ADAT3: variants seen among roughly 807,000 people sequenced by gnomAD.
The protein encoded by ADAT3 is adenosine deaminase tRNA specific 3, also known as tRNA-specific adenosine-34 deaminase regulatory subunit ADAT3.
ADAT3 carries 2 observed loss-of-function variants against 3.5 expected under a neutral mutation model. That is an observed-to-expected ratio of 0.57 (90% CI 0.23 to 1.79). The LOEUF (loss-of-function observed/expected upper bound fraction) is 1.79, where lower values mean the gene tolerates loss of function less well. Among genes scored for constraint, ADAT3 ranks in the 40% most tolerant of loss-of-function variants. The pLI is 0.18. For synonymous variants in ADAT3, 358 were observed against 270.3 expected, an observed-to-expected ratio of 1.32 and a Z score of -3.18; for missense variants, 735 against 571.4, an observed-to-expected ratio of 1.29 and a Z score of -2.92.
At chr19:1,907,030 A>G (rs1242329918) in intron 1 of ADAT3, 1 of 151,720 alleles carries the variant, frequency 6.6e-6, no homozygotes, top group African/African-American at 2.4e-5. Flanking sequence ...TACTAAAAAT[A>G]TAAAAAATTA....
rs1207661163 is a variant in ADAT3 at position 1,908,982 on chromosome 19, G to C, written c.-158-2908G>C. 6.6e-6 allele frequency among the ~76,000 whole-genome samples: 1 copy of C among 152,096 alleles called. No individual in the cohort carries two copies. Among genetic ancestry groups the C allele is most frequent in the African/African-American group, 2.4e-5 (1 of 41,394 alleles). On this transcript the variant is annotated intron_variant, in intron 1 of 1. Transcript: ENST00000329478. This position sits in a 1 kb window ranked among gnomAD's most constrained non-coding sequence, Gnocchi z 4.2. ...TAGCCGGGCGTGGTGGCATGTGCCT[G>C]TATTCCCAGCTACTAGGGGGGCTGA...
At position 1,912,001 on chromosome 19, in the gene ADAT3, C is replaced by T; in HGVS notation, c.-47C>T. 1 of 1,416,110 alleles carries T rather than the reference C, an allele frequency of 7.1e-7. No homozygotes were observed. Among genetic ancestry groups the T allele is most frequent in the Non-Finnish European group, 9.2e-7 (1 of 1,092,110 alleles). The allele number at this position is 1,416,110 out of a possible 1,614,324, so 87.7% of individuals were successfully genotyped here. ...GCCCTGCCTTGTGGAGCCACGGCCT[C>T]CCGGGACGGACTCCCCGGCTCTCCC... On this transcript the variant is annotated 5_prime_UTR_variant, in exon 2 of 2. Transcript: ENST00000329478.
chr19:1,913,054 G>C lies in ADAT3; in HGVS notation c.1007G>C (p.Arg336Pro), dbSNP rs772168050. The change falls in exon 2 of 2, where the codon CGC becomes CCC. Residue 336 changes from arginine to proline, a missense_variant. Arg to Pro is a moderately radical substitution (Grantham distance 103). Transcript: ENST00000329478. Reference protein sequence around the residue: ...APSPDGALGTRFRIHARPDLN... With the variant: ...APSPDGALGTPFRIHARPDLN... ...TCGCCCGACGGCGCCCTGGGCACCC[G>C]CTTCCGCATCCACGCACGGCCCGAC... 6 of 1,603,250 alleles carry C rather than the reference G, an allele frequency of 3.7e-6. No individual in the cohort carries two copies. The highest frequency in any genetic ancestry group is 5.1e-6 in the Non-Finnish European group (6 of 1,179,022).
chr19:1,911,799 T>C, intron 1 of ADAT3, 91 bp from the exon 2 acceptor site: 1 of 396,960 alleles, frequency 2.5e-6, no homozygotes, highest in South Asian at 1.0e-4. Flanking sequence ...AAAAATAAAA[T>C]AAAAAAAAAA....
At position 1,908,641 on chromosome 19, in the gene ADAT3, A is replaced by C. The variant is rs906802143; in HGVS notation, c.-159+3202A>C. ...AAATAACTGTGAGCACACAGGTAGT[A>C]AGGTTTTTAGGATTTTATTATTATT... On this transcript the variant is annotated intron_variant, in intron 1 of 1. Coordinates refer to ENST00000329478, the MANE Select transcript of ADAT3 (RefSeq NM_138422.4). This position sits in a 1 kb window ranked among gnomAD's most constrained non-coding sequence, Gnocchi z 4.2. 3 of 461,100 alleles carry C rather than the reference A, an allele frequency of 6.5e-6. No individual in the cohort carries two copies. The highest frequency in any genetic ancestry group is 6.1e-5 in the African/African-American group (3 of 49,566). 28.6% of individuals were successfully genotyped at this position (461,100 alleles called of 1,614,324 possible). A position where few individuals can be genotyped will look rare whatever the true frequency, so the allele number is the denominator to read the frequency against.
At position 1,913,146 on chromosome 19, in the gene ADAT3, A is replaced by G. The variant is rs769886333; in HGVS notation, c.1099A>G (p.Thr367Ala). 7.8e-6 allele frequency: 12 copies of G among 1,546,490 alleles called. No individual in the cohort carries two copies. The highest frequency in any genetic ancestry group is 4.1e-5 in the African/African-American group (3 of 73,212). The change falls in exon 2 of 2, where the codon ACG becomes GCG. Residue 367 changes from threonine (T) to alanine (A), a missense_variant. Transcript: ENST00000329478. ...GCAGTGCCGCTGGCTGGACCCCGAC[A>G]CGTAGGCGCCGCCCTCCTGCCTCCG... Reference protein sequence around the residue: ...EEQCRWLDPDT With the variant: ...EEQCRWLDPDA
At chr19:1,907,943 G>A (rs1019845060) in intron 1 of ADAT3, 2 of 153,838 alleles carry the variant, frequency 1.3e-5, no homozygotes, top group Non-Finnish European at 2.9e-5. Flanking sequence ...TGCCTGTTCC[G>A]GGATTTTGAC....
rs2013533664 is a variant in ADAT3, at chr19:1,912,667, G to A, written c.620G>A (p.Gly207Asp). 1.4e-6 allele frequency: 2 copies of A among 1,438,124 alleles called. No individual in the cohort carries two copies. Among genetic ancestry groups the A allele is most frequent in the African/African-American group, 1.5e-5 (1 of 66,292 alleles). The allele number at this position is 1,438,124 out of a possible 1,614,324, so 89.1% of individuals were successfully genotyped here. The change falls in exon 2 of 2, where the codon GGC (glycine) becomes GAC (aspartate). Residue 207 changes from glycine (G) to aspartate (D), a missense_variant. By Grantham distance (94) the Gly-to-Asp change is moderately conservative. Coordinates refer to ENST00000329478, the MANE Select transcript of ADAT3 (RefSeq NM_138422.4). ...VWAARRAAAR[G>D]LRAVGAVVVD... ...GCGGCCCGGCGGGCAGCAGCGCGGG[G>A]CTTGCGGGCCGTGGGGGCCGTGGTA...
At chr19:1,910,972 C>T (rs1053325984) in intron 1 of ADAT3, among the ~76,000 whole-genome samples, 7 of 151,602 alleles carry the variant, frequency 4.6e-5, no homozygotes, top group African/African-American at 1.7e-4. Flanking sequence ...GTTCAACCTT[C>T]TGGGTTCTCC....
rs1568764628 is a variant in ADAT3 at position 1,912,451 on chromosome 19, G to A, written c.404G>A (p.Gly135Asp). Reference protein sequence around the residue: ...LLPRPAVDPRGLGQPFLVPVP... With the variant: ...LLPRPAVDPRDLGQPFLVPVP... ...CCACGGCCGGCTGTGGACCCCCGCG[G>A]CCTGGGGCAACCCTTCCTGGTGCCC... Residue 135 changes from glycine (G) to aspartate (D), a missense_variant, in exon 2 of 2, where the codon GGC becomes GAC. Transcript: ENST00000329478. 6.6e-7 allele frequency: 1 copy of A among 1,506,794 alleles called. No homozygotes were observed. Among genetic ancestry groups the A allele is most frequent in the Non-Finnish European group, 8.8e-7 (1 of 1,134,916 alleles). The allele number at this position is 1,506,794 out of a possible 1,614,324, so 93.3% of individuals were successfully genotyped here. A position where few individuals can be genotyped will look rare whatever the true frequency, so the allele number is the denominator to read the frequency against.
chr19:1,912,380 C>G lies in ADAT3; in HGVS notation c.333C>G (p.Cys111Trp). Residue 111 changes from cysteine to tryptophan, a missense_variant, in exon 2 of 2, where the codon TGC (cysteine) becomes TGG (tryptophan). Coordinates refer to ENST00000329478, the MANE Select transcript of ADAT3 (RefSeq NM_138422.4). ...CCCACGCCCTGGAGATGCTGCTTTG[C>G]CTGGCTGGGCCGGCCTCGGGCCCGC... Reference protein sequence around the residue: ...GSPHALEMLLCLAGPASGPRS... With the variant: ...GSPHALEMLLWLAGPASGPRS... The G allele has an allele frequency of 6.6e-7, 1 of 1,521,196 alleles. No homozygotes were observed. The highest frequency in any genetic ancestry group is 8.8e-7 in the Non-Finnish European group (1 of 1,141,962). The allele number at this position is 1,521,196 out of a possible 1,614,324, so 94.2% of individuals were successfully genotyped here. A position where few individuals can be genotyped will look rare whatever the true frequency, so the allele number is the denominator to read the frequency against.
chr19:1,907,430 CAG>C (rs1370822800), intron 1 of ADAT3, among the ~76,000 whole-genome samples: 3 of 150,974 alleles, frequency 2.0e-5, no homozygotes, highest in Non-Finnish European at 4.4e-5. Context: ...TCCCATTTCA[CAG>C]GGGTGGAAGC....
rs1009299575 is a variant in ADAT3 at position 1,912,672 on chromosome 19, C to A, written c.625C>A (p.Arg209=). 4.2e-6 allele frequency: 6 copies of A among 1,437,706 alleles called. No individual in the cohort carries two copies. The highest frequency in any genetic ancestry group is 3.0e-5 in the Admixed American group (1 of 32,930). 89.1% of individuals were successfully genotyped at this position (1,437,706 alleles called of 1,614,324 possible). Residue 209 remains arginine, a synonymous_variant, in exon 2 of 2, where the codon CGG becomes AGG. Transcript: ENST00000329478. ...CCGGCGGGCAGCAGCGCGGGGCTTGCGGGCCGTGGGGGCCGTGGTAGTGGA... is the reference window on the plus strand; with the variant it reads ...CCGGCGGGCAGCAGCGCGGGGCTTGAGGGCCGTGGGGGCCGTGGTAGTGGA... ...AARRAAARGL[R]AVGAVVVDPA... is the part of the protein sequence containing the mutation.
rs372168072 is a variant in ADAT3 at position 1,912,908 on chromosome 19, C to T, written c.861C>T (p.Asp287=). The change falls in exon 2 of 2, where the codon GAC becomes GAT. Residue 287 remains aspartate (D), a synonymous_variant. Coordinates refer to ENST00000329478, the MANE Select transcript of ADAT3 (RefSeq NM_138422.4). ...GCGCCGTGCGTAAACTGGACGCAGACGAGGACGGCCTCCCCTACCTGTGCA... is the reference window on the plus strand; with the variant it reads ...GCGCCGTGCGTAAACTGGACGCAGATGAGGACGGCCTCCCCTACCTGTGCA... ...RAGAVRKLDA[D]EDGLPYLCTG... The T allele has an allele frequency of 7.5e-6, 12 of 1,609,034 alleles. No homozygotes were observed. Among genetic ancestry groups the T allele is most frequent in the South Asian group, 1.1e-5 (1 of 91,076 alleles).
Position 1,913,269 on chromosome 19 carries a change from G to A in ADAT3, c.*118G>A. On this transcript the variant is annotated 3_prime_UTR_variant, in exon 2 of 2. Coordinates refer to ENST00000329478, the MANE Select transcript of ADAT3 (RefSeq NM_138422.4). Reference sequence around the variant, plus strand: ...ACCGTGGATTTCAGGGACACATACCGCCTCCAGCGGGGAGCACGGGTGCTG... The same window carrying A: ...ACCGTGGATTTCAGGGACACATACCACCTCCAGCGGGGAGCACGGGTGCTG... 2.2e-6 allele frequency: 3 copies of A among 1,380,400 alleles called. No homozygotes were observed. The highest frequency in any genetic ancestry group is 1.9e-6 in the Non-Finnish European group (2 of 1,040,120). The allele number at this position is 1,380,400 out of a possible 1,614,324, so 85.5% of individuals were successfully genotyped here.
intron 1 of ADAT3, chr19:1,905,753 T>G (rs1021779724): frequency 1.2e-4 from 18 of 152,516 alleles, no homozygotes; most frequent in Middle Eastern, 3.4e-3. Context: ...ATCCTCCAGC[T>G]GCTTCCGGTG....
chr19:1,913,357 CCTT>C lies in ADAT3; in HGVS notation c.*209_*211del, dbSNP rs1304008431. On this transcript the variant is annotated 3_prime_UTR_variant, in exon 2 of 2. Transcript: ENST00000329478. ...TGGGGCCACCCCGTGCCAGCGGTGC[CCTT>C]CTGCGGCCGCCCTTGCTGCGTTTGT... 5.6e-6 allele frequency: 4 copies of C among 718,492 alleles called. No homozygotes were observed. In the Admixed American group the frequency reaches 1.3e-4, roughly 23 times the overall value. 44.5% of individuals were successfully genotyped at this position (718,492 alleles called of 1,614,324 possible).
intron 1 of ADAT3, chr19:1,905,777 T>A (rs1232975054): frequency 1.3e-5 from 2 of 152,336 alleles, no homozygotes; most frequent in African/African-American, 4.8e-5. Context: ...CTTCCTCAGG[T>A]CATGTCCCGC....
Position 1,912,522 on chromosome 19 carries a change from C to T in ADAT3, c.475C>T (p.Arg159Trp), listed in dbSNP as rs949730141. Residue 159 changes from arginine to tryptophan, a missense_variant, in exon 2 of 2, where the codon CGG becomes TGG. Physicochemically the swap from Arg to Trp is moderately radical, Grantham distance 101 (BLOSUM62 -3). Transcript: ENST00000329478. ...GACCAGGGGCCAGTTCGAGGAGGCC[C>T]GGGCCCACTGGCCCACGTCCTTCCA... ...PLTRGQFEEARAHWPTSFHED... is the reference protein window; with the variant it reads ...PLTRGQFEEAWAHWPTSFHED... The T allele has an allele frequency of 1.1e-5, 16 of 1,496,854 alleles. No individual in the cohort carries two copies. In the African/African-American group the frequency reaches 1.2e-4, roughly 11 times the overall value. 92.7% of individuals were successfully genotyped at this position (1,496,854 alleles called of 1,614,324 possible).
Sources: gnomAD v4.1 joint callset for allele counts (sites outside exome capture counted in the v4.1 genomes callset) on GRCh38, gnomAD v4.1.1 for gene constraint, Gnocchi (gnomAD v3.1) non-coding constraint, MANE v1.5 for transcripts, NCBI Gene and HGNC (gene_info 2026-07-23, HGNC 2026-07-21) for gene names.